KCNN3: variants seen among roughly 807,000 people sequenced by gnomAD.
KCNN3 encodes the protein small conductance calcium-activated potassium channel protein 3.
A neutral mutation model predicts 62.9 loss-of-function variants in KCNN3; 16 were observed. That is an observed-to-expected ratio of 0.25 (90% CI 0.17 to 0.39). The LOEUF (loss-of-function observed/expected upper bound fraction) is 0.39, where lower values mean the gene tolerates loss of function less well. Among genes scored for constraint, KCNN3 ranks in the 10% least tolerant of loss-of-function variants. KCNN3 has a pLI of 1.00. For synonymous variants in KCNN3, 370 were observed against 389.2 expected (o/e 0.95, Z 0.58); for missense variants, 599 against 949.4 (o/e 0.63, Z 4.85).
intron 3 of KCNN3, among the ~76,000 whole-genome samples, chr1:154,761,720 C>CT (rs1648022858): frequency 6.6e-6 from 1 of 152,178 alleles, no homozygotes; most frequent in South Asian, 2.1e-4. Context: ...AGGTGGATCA[C>CT]TTGAGGCCAG....
At chr1:154,782,525 C>T (rs1031780677) in intron 2 of KCNN3, among the ~76,000 whole-genome samples, 8 of 152,136 alleles carry the variant, frequency 5.3e-5, no homozygotes, top group Non-Finnish European at 8.8e-5. Flanking sequence ...AGGACTAGAC[C>T]TCATCCTTAT....
chr1:154,731,596 C>T (rs1229372883), intron 4 of KCNN3, among the ~76,000 whole-genome samples: 1 of 152,250 alleles, frequency 6.6e-6, no homozygotes, highest in Non-Finnish European at 1.5e-5. Context: ...GGAAGACCTG[C>T]GGCCCTCCCT....
chr1:154,795,152 G>A (rs1649676359), intron 2 of KCNN3, among the ~76,000 whole-genome samples: 1 of 152,176 alleles, frequency 6.6e-6, no homozygotes, highest in Non-Finnish European at 1.5e-5. Context: ...GGAAAGCAGA[G>A]GGACCACCAT....
intron 4 of KCNN3, among the ~76,000 whole-genome samples, chr1:154,729,172 T>A (rs1377260849): frequency 6.6e-6 from 1 of 151,970 alleles, no homozygotes; most frequent in East Asian, 1.9e-4. Flanking sequence ...GGAAGCAGGA[T>A]GGGAAAGGGT....
chr1:154,790,123 C>A (rs547249838), intron 2 of KCNN3, among the ~76,000 whole-genome samples: 1 of 152,138 alleles, frequency 6.6e-6, no homozygotes, highest in Non-Finnish European at 1.5e-5. Flanking sequence ...ACATATATGG[C>A]AACATATATG....
intron 6 of KCNN3, among the ~76,000 whole-genome samples, chr1:154,714,524 TTGTG>T (rs1700182096): frequency 4.0e-5 from 2 of 49,844 alleles, no homozygotes; most frequent in African/African-American, 8.8e-5. Context: ...TGTGTGGTGT[TTGTG>T]TGTGGTGTGT....
At chr1:154,769,333 C>A (rs1311997079) in intron 3 of KCNN3, among the ~76,000 whole-genome samples, 2 of 152,158 alleles carry the variant, frequency 1.3e-5, no homozygotes, top group African/African-American at 4.8e-5. Context: ...GGTCAAATGG[C>A]CTTTTCGCAA....
intron 2 of KCNN3, among the ~76,000 whole-genome samples, chr1:154,795,249 C>T (rs58397061): frequency 1.6e-3 from 240 of 152,276 alleles, no homozygotes; most frequent in African/African-American, 5.5e-3. Context: ...ATTGCCTTTG[C>T]GTAATCTGGG....
intron 7 of KCNN3, among the ~76,000 whole-genome samples, chr1:154,711,399 C>G (rs1380775636): frequency 6.7e-6 from 1 of 148,248 alleles, no homozygotes; most frequent in African/African-American, 2.5e-5. Context: ...TGTTAAATGA[C>G]GAGTTAATGG....
At chr1:154,831,540 G>A (rs1651377754) in intron 1 of KCNN3, among the ~76,000 whole-genome samples, 1 of 152,212 alleles carries the variant, frequency 6.6e-6, no homozygotes, top group Non-Finnish European at 1.5e-5. Context: ...AAAGAAAGAA[G>A]CCAGGAGGCT....
In KCNN3 at chr1:154,733,000, C is replaced by T. The variant is rs754952660; in HGVS notation, c.1590+3G>A. On this transcript the variant is annotated splice_donor_region_variant and intron_variant, in intron 4 of 7. Coordinates refer to ENST00000271915, the MANE Select transcript of KCNN3 (RefSeq NM_002249.6). ...TAGGGAATGGGGAGAGGCGGGTACT[C>T]ACCATGATGCCAGTGAGGAGACAGA... 3.7e-6 allele frequency: 6 copies of T among 1,613,974 alleles called. No homozygotes were observed. The highest frequency in any genetic ancestry group is 3.3e-5 in the Admixed American group (2 of 60,004).
intron 3 of KCNN3, among the ~76,000 whole-genome samples, chr1:154,739,394 C>T (rs563736315): frequency 6.6e-6 from 1 of 152,326 alleles, no homozygotes; most frequent in Admixed American, 6.5e-5. Flanking sequence ...GTGCCCCCCA[C>T]CCCAGGATCA....
intron 3 of KCNN3, chr1:154,737,099 A>G (rs1311921009): frequency 2.9e-6 from 2 of 699,250 alleles, no homozygotes; most frequent in Non-Finnish European, 5.2e-6. Context: ...CTGTGGGAGT[A>G]GAGAGGAGGG....
chr1:154,811,762 G>A (rs764168949), intron 2 of KCNN3, among the ~76,000 whole-genome samples: 3 of 152,136 alleles, frequency 2.0e-5, no homozygotes, highest in African/African-American at 4.8e-5. Context: ...TACTCAACAG[G>A]AAACTAGAAT....
In KCNN3 at chr1:154,822,194, C is replaced by T. The variant is rs199524303; in HGVS notation, c.934-10G>A. ...ACGAAAACATGGAGTCCTGCAGGAA[C>T]AATGGAGAGAGAGAATTAGGGAGTG... On this transcript the variant is annotated splice_polypyrimidine_tract_variant and intron_variant, in intron 1 of 7. Transcript: ENST00000271915. 4 of 1,589,476 alleles carry T rather than the reference C, an allele frequency of 2.5e-6. No individual in the cohort carries two copies. Among genetic ancestry groups the T allele is most frequent in the Non-Finnish European group, 2.6e-6 (3 of 1,157,646 alleles).
chr1:154,709,778 C>A (rs887540731), intron 7 of KCNN3, among the ~76,000 whole-genome samples: 8 of 152,274 alleles, frequency 5.3e-5, no homozygotes, highest in Non-Finnish European at 1.0e-4. Context: ...CATGACAGAA[C>A]CTCCTCGAGG....
intron 3 of KCNN3, among the ~76,000 whole-genome samples, chr1:154,748,348 C>T (rs1305248418): frequency 6.6e-6 from 1 of 152,198 alleles, no homozygotes. Flanking sequence ...CCATCAGTCA[C>T]AGAGCGTGAC....
Position 154,809,942 on chromosome 1 carries a change from T to C in KCNN3, c.1029+12147A>G, listed in dbSNP as rs774098103. 6.6e-5 allele frequency among the ~76,000 whole-genome samples: 10 copies of C among 152,232 alleles called. No homozygotes were observed. The highest frequency in any genetic ancestry group is 1.2e-4 in the Non-Finnish European group (8 of 68,044). The stretch of plus-strand genomic sequence containing the variant: ...AGTGAGAAAGCAGGTCGGTGCCTTC[T>C]GTACTGACCTGATCCCAGTGGTGTG... On this transcript the variant is annotated intron_variant, in intron 2 of 7. Coordinates refer to ENST00000271915, the MANE Select transcript of KCNN3 (RefSeq NM_002249.6). This position sits in a 1 kb window ranked among gnomAD's most constrained non-coding sequence, Gnocchi z 4.3.
At chr1:154,711,670 G>C (rs1360536554) in intron 7 of KCNN3, among the ~76,000 whole-genome samples, 1 of 152,130 alleles carries the variant, frequency 6.6e-6, no homozygotes, top group African/African-American at 2.4e-5. Context: ...TGGGCCCCTA[G>C]CCCTGTTTGC....
Sources: gnomAD v4.1 joint callset for allele counts (sites outside exome capture counted in the v4.1 genomes callset) on GRCh38, gnomAD v4.1.1 for gene constraint, Gnocchi (gnomAD v3.1) non-coding constraint, MANE v1.5 for transcripts, NCBI Gene and HGNC (gene_info 2026-07-23, HGNC 2026-07-21) for gene names.